The following NUMB variants were observed in gnomAD, a reference collection of about 807,000 sequenced individuals.
NUMB encodes NUMB endocytic adaptor protein.
NUMB carries 29 observed loss-of-function variants against 59.7 expected under a neutral mutation model. The ratio of observed to expected loss-of-function variants is 0.49; its 90% CI spans 0.36 to 0.66. The LOEUF (loss-of-function observed/expected upper bound fraction) is 0.66, where lower values mean the gene tolerates loss of function less well. NUMB is among the 30% of genes least tolerant of loss of function. The pLI, the probability that NUMB is intolerant of heterozygous loss-of-function variation, is 0.00. For missense variants in NUMB, 723 were observed against 822.0 expected, an observed-to-expected ratio of 0.88 and a Z score of 1.47; for synonymous variants, 288 against 288.2, an observed-to-expected ratio of 1.00 and a Z score of 0.01.
chr14:73,384,358 G>C (rs1594972513), intron 2 of NUMB, among the ~76,000 whole-genome samples: 1 of 151,560 alleles, frequency 6.6e-6, no homozygotes, highest in East Asian at 1.9e-4. Context: ...CAAAAGGTTG[G>C]GATTACAGGC....
At chr14:73,299,613 TATGTC>T (rs1890009260) in intron 6 of NUMB, among the ~76,000 whole-genome samples, 1 of 151,312 alleles carries the variant, frequency 6.6e-6, no homozygotes, top group African/African-American at 2.4e-5. Context: ...ATGACATATA[TATGTC>T]ATATAATATG....
In NUMB at chr14:73,276,782, G is replaced by T; in HGVS notation, c.1752C>A (p.Asn584Lys). ...CTACACCATTGAAAGCTGCAGAACC[G>T]TTGAGGTGCTGAGCAGGAGGCTTAA... is the stretch of plus-strand genomic sequence containing the variant. ...PFFKPPAQHL[N>K]GSAAFNGVDD... is the part of the protein sequence containing the mutation. The change falls in exon 13 of 13, where the codon AAC (asparagine) becomes AAA (lysine). Residue 584 changes from asparagine (N) to lysine (K), a missense_variant. Physicochemically the swap from Asn to Lys is moderately conservative, Grantham distance 94. Around this residue, in one of 2 missense-constraint regions of NUMB, gnomAD observed 406 missense variants for 385.4 expected, o/e 1.05. Transcript: ENST00000555238. 8 of 1,614,190 alleles carry T rather than the reference G, an allele frequency of 5.0e-6. No homozygotes were observed. Among genetic ancestry groups the T allele is most frequent in the Non-Finnish European group, 6.8e-6 (8 of 1,180,034 alleles).
intron 2 of NUMB, among the ~76,000 whole-genome samples, chr14:73,396,535 G>T (rs938640601): frequency 6.7e-6 from 1 of 150,056 alleles, no homozygotes; most frequent in South Asian, 2.1e-4. Context: ...TATTTTTTTT[G>T]TTGTTTTTTT....
intron 1 of NUMB, among the ~76,000 whole-genome samples, chr14:73,442,551 A>G (rs1478070552): frequency 6.6e-6 from 1 of 152,236 alleles, no homozygotes; most frequent in African/African-American, 2.4e-5. Context: ...CAATATATCC[A>G]TATTATGGAA....
At chr14:73,327,557 G>A (rs1378539355) in intron 4 of NUMB, among the ~76,000 whole-genome samples, 1 of 151,870 alleles carries the variant, frequency 6.6e-6, no homozygotes, top group Non-Finnish European at 1.5e-5. Context: ...ACCTGGACTT[G>A]AGAATTATTA....
At chr14:73,442,969 C>A (rs1251469521) in intron 1 of NUMB, among the ~76,000 whole-genome samples, 1 of 152,022 alleles carries the variant, frequency 6.6e-6, no homozygotes, top group Non-Finnish European at 1.5e-5. Flanking sequence ...CTCAAGTGAT[C>A]CTCCTGCCTC....
intron 4 of NUMB, among the ~76,000 whole-genome samples, chr14:73,333,870 C>CT (rs879658849): frequency 1.5e-3 from 214 of 143,334 alleles, no homozygotes; most frequent in African/African-American, 3.3e-3. Flanking sequence ...ATTGTTGATC[C>CT]TTTTTTTTTT....
At chr14:73,447,014 C>T (rs1883563637) in intron 1 of NUMB, among the ~76,000 whole-genome samples, 1 of 150,980 alleles carries the variant, frequency 6.6e-6, no homozygotes. Flanking sequence ...TAGTGAAACC[C>T]AGTCTCTACT....
At chr14:73,334,998 T>A (rs971445606) in intron 4 of NUMB, among the ~76,000 whole-genome samples, 1 of 150,372 alleles carries the variant, frequency 6.7e-6, no homozygotes, top group Non-Finnish European at 1.5e-5. Flanking sequence ...TATTCACATA[T>A]CTTAATTTCT....
At chr14:73,366,178 C>A (rs527643774) in intron 3 of NUMB, among the ~76,000 whole-genome samples, 87 of 152,264 alleles carry the variant, frequency 5.7e-4, no homozygotes, top group African/African-American at 2.0e-3. Flanking sequence ...TCAATGGGTA[C>A]TTCTAGTGGT....
At chr14:73,363,585 A>G (rs962582813) in intron 3 of NUMB, among the ~76,000 whole-genome samples, 1 of 152,188 alleles carries the variant, frequency 6.6e-6, no homozygotes, top group African/African-American at 2.4e-5. Context: ...TAACCTGGAT[A>G]CCAAAACCAA....
chr14:73,420,569 C>T (rs1897311024), intron 1 of NUMB, among the ~76,000 whole-genome samples: 1 of 152,128 alleles, frequency 6.6e-6, no homozygotes. Flanking sequence ...CCTGTAATCC[C>T]AGCACTTTGG....
At chr14:73,280,829 G>C (rs1414699816) in intron 11 of NUMB, among the ~76,000 whole-genome samples, 1 of 151,288 alleles carries the variant, frequency 6.6e-6, no homozygotes, top group Non-Finnish European at 1.5e-5. Flanking sequence ...GAGTAGCTGA[G>C]ATTATAGGTG....
intron 2 of NUMB, among the ~76,000 whole-genome samples, chr14:73,393,891 C>A (rs1555377654): frequency 6.6e-6 from 1 of 152,108 alleles, no homozygotes; most frequent in Non-Finnish European, 1.5e-5. Flanking sequence ...AATATTAATA[C>A]TTTTTTTGCA....
chr14:73,421,514 A>C (rs1347125854), intron 1 of NUMB, among the ~76,000 whole-genome samples: 3 of 152,156 alleles, frequency 2.0e-5, no homozygotes. Context: ...TTTAATATGC[A>C]AATGCTCAGG....
Position 73,276,750 on chromosome 14 carries a change from C to T in NUMB, c.1784G>A (p.Gly595Asp), listed in dbSNP as rs17781919. ...ATGCCTGTCTGCTGAGGCCAACCTG[C>T]CATCATCTACACCATTGAAAGCTGC... is the stretch of plus-strand genomic sequence containing the variant. ...GSAAFNGVDDGRLASADRHTE... is the reference protein window; with the variant it reads ...GSAAFNGVDDDRLASADRHTE... The change falls in exon 13 of 13, where the codon GGC becomes GAC. Residue 595 changes from glycine (G) to aspartate (D), a missense_variant. Physicochemically the swap from Gly to Asp is moderately conservative, Grantham distance 94. Transcript: ENST00000555238. 0.034 allele frequency: 55,148 copies of T among 1,614,114 alleles called. 1,100 individuals are homozygous for T. The highest frequency in any genetic ancestry group is 0.041 in the Non-Finnish European group (48,133 of 1,180,006).
At chr14:73,412,976 C>T (rs1896961404) in intron 1 of NUMB, among the ~76,000 whole-genome samples, 1 of 151,890 alleles carries the variant, frequency 6.6e-6, no homozygotes, top group South Asian at 2.1e-4. Flanking sequence ...TCCAAGATCA[C>T]AAAAATACGA....
intron 4 of NUMB, among the ~76,000 whole-genome samples, chr14:73,353,067 T>C (rs944487884): frequency 2.9e-5 from 3 of 102,002 alleles, no homozygotes; most frequent in Non-Finnish European, 5.4e-5. Flanking sequence ...GCCACAGTTT[T>C]TCTTGTTTTT....
chr14:73,383,811 T>A (rs1895366500), intron 2 of NUMB, among the ~76,000 whole-genome samples: 1 of 151,728 alleles, frequency 6.6e-6, no homozygotes, highest in Non-Finnish European at 1.5e-5. Flanking sequence ...AGGTCAGGAG[T>A]TCGAGACCAG....
Sources: allele counts gnomAD v4.1 joint callset (sites outside exome capture counted in the v4.1 genomes callset), GRCh38; gene constraint gnomAD v4.1.1; regional missense constraint gnomAD v4.1.1; transcripts MANE v1.5; gene names NCBI Gene and HGNC (gene_info 2026-07-23, HGNC 2026-07-21).